The following CTNNA2 variants were observed in gnomAD, a reference collection of about 807,000 sequenced individuals.
CTNNA2 encodes the protein catenin alpha-2.
CTNNA2 carries 42 observed loss-of-function variants against 101.0 expected under a neutral mutation model. The observed-to-expected ratio is 0.42, with a 90% CI of 0.32 to 0.54. The LOEUF (loss-of-function observed/expected upper bound fraction) is 0.54, where lower values mean the gene tolerates loss of function less well. Among genes scored for constraint, CTNNA2 ranks in the 20% least tolerant of loss-of-function variants. The probability of loss-of-function intolerance (pLI) is 0.14; values close to 1 mark genes in which losing one functional copy is unlikely to be tolerated. For synonymous variants in CTNNA2, 450 were observed against 456.4 expected (o/e 0.99, Z 0.18); for missense variants, 871 against 1,223.1 (o/e 0.71, Z 4.29).
chr2:79,702,274 T>C (rs1280580424), intron 2 of CTNNA2, among the ~76,000 whole-genome samples: 1 of 140,746 alleles, frequency 7.1e-6, no homozygotes, highest in Admixed American at 6.7e-5. Context: ...CTGTATACCA[T>C]GATGTGTGAA....
chr2:79,772,295 C>T (rs926196598), intron 3 of CTNNA2, among the ~76,000 whole-genome samples: 1 of 152,182 alleles, frequency 6.6e-6, no homozygotes, highest in Non-Finnish European at 1.5e-5. Flanking sequence ...CACTCCCCAT[C>T]CCTGAAGACT....
At chr2:79,890,311 A>G (rs1354766695) in intron 6 of CTNNA2, among the ~76,000 whole-genome samples, 2 of 152,188 alleles carry the variant, frequency 1.3e-5, no homozygotes, top group Non-Finnish European at 2.9e-5. Context: ...TGTTCTGTCC[A>G]AAAGATGCTG....
At chr2:79,380,525 G>A (rs1444404249) in intron 4 of CTNNA2, among the ~76,000 whole-genome samples, 1 of 152,140 alleles carries the variant, frequency 6.6e-6, no homozygotes, top group Non-Finnish European at 1.5e-5. Context: ...TAATTAGTCT[G>A]TGAATTCAGT....
chr2:80,590,100 G>A (rs1303115449), intron 15 of CTNNA2, among the ~76,000 whole-genome samples: 1 of 152,192 alleles, frequency 6.6e-6, no homozygotes, highest in Admixed American at 6.5e-5. Flanking sequence ...GACAAATCAA[G>A]TGACCAGTCA....
chr2:79,804,947 A>T (rs1278066146), intron 3 of CTNNA2, among the ~76,000 whole-genome samples: 1 of 152,180 alleles, frequency 6.6e-6, no homozygotes, highest in Non-Finnish European at 1.5e-5. Context: ...GTCTTGAAGA[A>T]GAGCAAGAAT....
At chr2:79,729,756 G>T (rs952406860) in intron 2 of CTNNA2, among the ~76,000 whole-genome samples, 1 of 152,032 alleles carries the variant, frequency 6.6e-6, no homozygotes, top group East Asian at 1.9e-4. Flanking sequence ...CAATATGGCA[G>T]TGCATTCAAG....
intron 4 of CTNNA2, among the ~76,000 whole-genome samples, chr2:79,452,607 G>A (rs1383498829): frequency 1.3e-5 from 2 of 151,880 alleles, no homozygotes; most frequent in Non-Finnish European, 2.9e-5. Flanking sequence ...TTTTGGAAAA[G>A]CACACATCAT....
At chr2:79,543,941 C>T (rs1023260142) in intron 1 of CTNNA2, among the ~76,000 whole-genome samples, 1 of 151,860 alleles carries the variant, frequency 6.6e-6, no homozygotes. Context: ...CAACAAGATC[C>T]AGGTTTGGGG....
At chr2:80,486,534 T>G (rs779114876) in intron 9 of CTNNA2, among the ~76,000 whole-genome samples, 1 of 152,226 alleles carries the variant, frequency 6.6e-6, no homozygotes, top group African/African-American at 2.4e-5. Context: ...GAAGGCTCAC[T>G]GCGATTTCAT....
intron 2 of CTNNA2, among the ~76,000 whole-genome samples, chr2:79,295,918 C>T (rs1195426758): frequency 6.6e-6 from 1 of 151,996 alleles, no homozygotes; most frequent in Non-Finnish European, 1.5e-5. Context: ...TTTTGTTTTC[C>T]TCAACAAAAT....
At chr2:79,567,282 C>T (rs1321268223) in intron 1 of CTNNA2, among the ~76,000 whole-genome samples, 1 of 152,066 alleles carries the variant, frequency 6.6e-6, no homozygotes, top group East Asian at 1.9e-4. Context: ...TGGATTTTAT[C>T]TCTTCTTTTC....
chr2:80,567,324 T>C (rs1306404561), intron 12 of CTNNA2, among the ~76,000 whole-genome samples: 1 of 151,972 alleles, frequency 6.6e-6, no homozygotes, highest in Admixed American at 6.5e-5. Flanking sequence ...GGGAGAGATG[T>C]GTTATGGCTT....
chr2:79,829,526 C>T (rs1193109148), intron 3 of CTNNA2, among the ~76,000 whole-genome samples: 1 of 150,636 alleles, frequency 6.6e-6, no homozygotes. Context: ...GCTGAGATCG[C>T]GCCATTGCAC....
chr2:79,621,325 G>A (rs868088974), intron 1 of CTNNA2, among the ~76,000 whole-genome samples: 2 of 152,098 alleles, frequency 1.3e-5, no homozygotes, highest in Non-Finnish European at 2.9e-5. Context: ...AGGCTCCTCG[G>A]AGAAATGGCT....
At chr2:80,480,090 A>G (rs974749781) in intron 9 of CTNNA2, among the ~76,000 whole-genome samples, 5 of 152,144 alleles carry the variant, frequency 3.3e-5, no homozygotes, top group Non-Finnish European at 7.4e-5. Context: ...AATTTAATTG[A>G]TCATATGCCC....
At chr2:79,665,635 A>G (rs1682363130) in intron 2 of CTNNA2, among the ~76,000 whole-genome samples, 1 of 152,198 alleles carries the variant, frequency 6.6e-6, no homozygotes, top group Non-Finnish European at 1.5e-5. Context: ...TCTTTTAAAA[A>G]TATTTTTAAA....
chr2:80,032,950 A>C (rs1236242996), intron 7 of CTNNA2, among the ~76,000 whole-genome samples: 1 of 151,980 alleles, frequency 6.6e-6, no homozygotes, highest in African/African-American at 2.4e-5. Context: ...CAAGAGGTCG[A>C]GACCATCCTG....
chr2:79,670,820 T>A (rs1682788408), intron 2 of CTNNA2, among the ~76,000 whole-genome samples: 2 of 152,170 alleles, frequency 1.3e-5, no homozygotes, highest in Non-Finnish European at 2.9e-5. Context: ...TGCTTACATT[T>A]TGGAGGTTTA....
chr2:79,431,537 G>T (rs1678659230), intron 4 of CTNNA2, among the ~76,000 whole-genome samples: 1 of 152,126 alleles, frequency 6.6e-6, no homozygotes, highest in Non-Finnish European at 1.5e-5. Context: ...CATGACACGT[G>T]TTACTCCTGC....
Sources: allele counts gnomAD v4.1 joint callset (sites outside exome capture counted in the v4.1 genomes callset), GRCh38; gene constraint gnomAD v4.1.1; transcripts MANE v1.5; gene names NCBI Gene and HGNC (gene_info 2026-07-23, HGNC 2026-07-21).